The following RBFOX1 variants were observed in gnomAD, a reference collection of about 807,000 sequenced individuals.
RBFOX1 encodes the protein RNA binding fox-1 homolog 1.
Under a neutral mutation model 57.7 loss-of-function variants are expected in RBFOX1, and 8 were observed. The observed-to-expected ratio is 0.14, with a 90% CI of 0.08 to 0.25. RBFOX1 has a LOEUF of 0.25. RBFOX1 is among the 10% of genes least tolerant of loss of function. RBFOX1 has a pLI of 1.00. For missense variants in RBFOX1, 611 were observed against 548.5 expected, an observed-to-expected ratio of 1.11 and a Z score of -1.14; for synonymous variants, 326 against 222.4, an observed-to-expected ratio of 1.47 and a Z score of -4.15.
chr16:6,520,654 C>T (rs890728154), intron 2 of RBFOX1, among the ~76,000 whole-genome samples: 16 of 152,148 alleles, frequency 1.1e-4, no homozygotes, highest in Admixed American at 6.5e-5. Flanking sequence ...TTGAAAAGGG[C>T]AGGACCCAGG....
chr16:7,707,906 G>A (rs2083013864), intron 14 of RBFOX1, among the ~76,000 whole-genome samples: 2 of 152,156 alleles, frequency 1.3e-5, no homozygotes, highest in African/African-American at 2.4e-5. Flanking sequence ...ATCTATTCCA[G>A]TATCAGCTTT....
At chr16:5,972,625 G>T (rs1222865699) in intron 4 of RBFOX1, among the ~76,000 whole-genome samples, 1 of 152,228 alleles carries the variant, frequency 6.6e-6, no homozygotes, top group African/African-American at 2.4e-5. Context: ...AATCAGGGAA[G>T]GTTCAGGCAC....
intron 3 of RBFOX1, among the ~76,000 whole-genome samples, chr16:5,671,402 T>C (rs1371814478): frequency 1.3e-5 from 2 of 152,228 alleles, no homozygotes; most frequent in African/African-American, 4.8e-5. Context: ...TACACTTCAC[T>C]GAGGCATTTG....
intron 2 of RBFOX1, among the ~76,000 whole-genome samples, chr16:6,469,821 A>T (rs1213698058): frequency 6.6e-6 from 1 of 152,194 alleles, no homozygotes; most frequent in African/African-American, 2.4e-5. Flanking sequence ...CGGGCTCACT[A>T]AGTGGGAGTT....
At position 5,709,862 on chromosome 16, in the gene RBFOX1, T is replaced by A. The variant is rs1470703799; in HGVS notation, c.318+110901T>A. Among the ~76,000 whole-genome samples the A allele has an allele frequency of 8.1e-3, 604 of 75,024 alleles. 23 individuals are homozygous for A. Among genetic ancestry groups the A allele is most frequent in the African/African-American group, 0.025 (523 of 20,690 alleles). 49.2% of individuals were successfully genotyped at this position (75,024 alleles called of 152,430 possible). ...ATATATATTTTTTTTTTTTTTTTTT[T>A]TTTTTTTTTTTTTTTACCATTTCCT... is the stretch of plus-strand genomic sequence containing the variant. On this transcript the variant is annotated intron_variant, in intron 3 of 19. Transcript: ENST00000641259.
intron 3 of RBFOX1, among the ~76,000 whole-genome samples, chr16:6,737,811 T>G (rs1414598209): frequency 1.3e-5 from 2 of 152,220 alleles, no homozygotes; most frequent in East Asian, 1.9e-4. Context: ...TTATATTTCA[T>G]TTAGTTAACT....
intron 1 of RBFOX1, among the ~76,000 whole-genome samples, chr16:5,260,384 A>C (rs2062704213): frequency 6.6e-6 from 1 of 152,242 alleles, no homozygotes; most frequent in Non-Finnish European, 1.5e-5. Context: ...GGCTAGAGAC[A>C]TGAAGAGACA....
intron 2 of RBFOX1, among the ~76,000 whole-genome samples, chr16:6,408,027 G>C (rs1399288506): frequency 6.6e-6 from 1 of 152,040 alleles, no homozygotes; most frequent in Non-Finnish European, 1.5e-5. Flanking sequence ...GAGGCCAGAG[G>C]AAGCTTGTTT....
chr16:6,859,141 GTATA>G (rs1174185442), intron 3 of RBFOX1, among the ~76,000 whole-genome samples: 2 of 98,248 alleles, frequency 2.0e-5, no homozygotes, highest in Admixed American at 1.0e-4. Flanking sequence ...ATATATATAC[GTATA>G]TATATATGTA....
chr16:5,919,141 A>C (rs2058766346), intron 4 of RBFOX1, among the ~76,000 whole-genome samples: 1 of 152,120 alleles, frequency 6.6e-6, no homozygotes, highest in African/African-American at 2.4e-5. Context: ...TATACTTCTT[A>C]TCCTGATATG....
At chr16:6,495,412 T>A (rs1015502243) in intron 2 of RBFOX1, among the ~76,000 whole-genome samples, 1 of 151,568 alleles carries the variant, frequency 6.6e-6, no homozygotes, top group Non-Finnish European at 1.5e-5. Flanking sequence ...ATTACAGGCT[T>A]GAGCTTCCGC....
chr16:6,988,773 TTTTTTG>T (rs1422689997), intron 3 of RBFOX1, among the ~76,000 whole-genome samples: 6 of 145,926 alleles, frequency 4.1e-5, no homozygotes, highest in African/African-American at 1.5e-4. Flanking sequence ...TTGTTTTTTG[TTTTTTG>T]TTTTTGTTTT....
intron 1 of RBFOX1, among the ~76,000 whole-genome samples, chr16:5,241,946 A>C (rs2062177988): frequency 6.6e-6 from 1 of 151,994 alleles, no homozygotes; most frequent in Admixed American, 6.5e-5. Context: ...ACCAAAAAAA[A>C]AAATAATAAT....
chr16:5,382,471 G>C (rs1729173704), intron 1 of RBFOX1, among the ~76,000 whole-genome samples: 1 of 151,422 alleles, frequency 6.6e-6, no homozygotes, highest in South Asian at 2.1e-4. Flanking sequence ...TACATATAAT[G>C]GAACTTCTGG....
chr16:6,547,401 T>G (rs1449837175), intron 2 of RBFOX1, among the ~76,000 whole-genome samples: 1 of 152,202 alleles, frequency 6.6e-6, no homozygotes, highest in African/African-American at 2.4e-5. Context: ...GGTAATAAAT[T>G]ACTGATAATG....
intron 4 of RBFOX1, among the ~76,000 whole-genome samples, chr16:7,180,448 A>C (rs921543188): frequency 1.3e-5 from 2 of 152,116 alleles, no homozygotes; most frequent in African/African-American, 4.8e-5. Flanking sequence ...GAAGCCCTAC[A>C]TTCTACAGAC....
rs74011026 is a variant in RBFOX1, at chr16:7,101,784, T to A, written c.27+49686T>A. ...TGTCCTGGTCCTCTTTCCCTTTTAA[T>A]GTTAGAATGTGGCAAATGCTCAGTA... On this transcript the variant is annotated intron_variant, in intron 4 of 15. Coordinates refer to ENST00000550418, the MANE Select transcript of RBFOX1 (RefSeq NM_018723.4). 9.8e-3 allele frequency among the ~76,000 whole-genome samples: 1,499 copies of A among 152,288 alleles called. 19 individuals carry two copies. The highest frequency in any genetic ancestry group is 0.034 in the African/African-American group (1,413 of 41,562).
intron 4 of RBFOX1, among the ~76,000 whole-genome samples, chr16:7,491,670 A>G (rs934473549): frequency 6.6e-6 from 1 of 151,974 alleles, no homozygotes; most frequent in African/African-American, 2.4e-5. Flanking sequence ...TTGCTCTGTC[A>G]CCCAGGCTGG....
At chr16:6,852,653 C>T (rs568133216) in intron 3 of RBFOX1, among the ~76,000 whole-genome samples, 1 of 151,898 alleles carries the variant, frequency 6.6e-6, no homozygotes, top group Non-Finnish European at 1.5e-5. Context: ...ATGCTGGGAA[C>T]TAGCTGTCCA....
Sources: gnomAD v4.1 joint callset for allele counts (sites outside exome capture counted in the v4.1 genomes callset) on GRCh38, gnomAD v4.1.1 for gene constraint, MANE v1.5 for transcripts, NCBI Gene and HGNC (gene_info 2026-07-23, HGNC 2026-07-21) for gene names.